The following DDR2 variants were observed in gnomAD, a reference collection of about 807,000 sequenced individuals.
The protein encoded by DDR2 is discoidin domain-containing receptor 2.
In DDR2, 27 loss-of-function variants were observed where a neutral mutation model predicts 94.9. That is an observed-to-expected ratio of 0.28 (90% confidence interval 0.21 to 0.39). The LOEUF is 0.39. DDR2 is among the 10% of genes least tolerant of loss of function. DDR2 has a pLI of 1.00. For synonymous variants in DDR2, 382 were observed against 377.2 expected (o/e 1.01, Z -0.15); for missense variants, 783 against 1,076.0 (o/e 0.73, Z 3.81).
intron 8 of DDR2, among the ~76,000 whole-genome samples, chr1:162,760,468 ATATATACATATACAACTATATATG>A (rs1200069042): frequency 6.2e-5 from 9 of 145,008 alleles, no homozygotes; most frequent in African/African-American, 2.3e-4. Flanking sequence ...ATACAACTAT[ATATATACATATACAACTATATATG>A]TATATACATA....
chr1:162,787,091 C>G lies in DDR2; in HGVS notation c.*6845C>G, dbSNP rs1648180140. ...CCTGGTCTCTGAGAATAAGTTTATA[C>G]TTTTAGTTTTCTGAGAATATTTCTC... On this transcript the variant is annotated 3_prime_UTR_variant, in exon 18 of 18. Transcript: ENST00000367921. 6.6e-6 allele frequency: 1 copy of G among 152,106 alleles called. No individual in the cohort carries two copies. The highest frequency in any genetic ancestry group is 2.4e-5 in the African/African-American group (1 of 41,414). 9.4% of individuals were successfully genotyped at this position (152,106 alleles called of 1,614,324 possible).
intron 2 of DDR2, among the ~76,000 whole-genome samples, chr1:162,664,652 A>C (rs1658458534): frequency 6.6e-6 from 1 of 152,232 alleles, no homozygotes; most frequent in South Asian, 2.1e-4. Context: ...GAAAACTCTA[A>C]TGAAAATATG....
At chr1:162,644,441 A>G (rs1657306930) in intron 1 of DDR2, among the ~76,000 whole-genome samples, 1 of 152,182 alleles carries the variant, frequency 6.6e-6, no homozygotes, top group South Asian at 2.1e-4. Context: ...ATGATGATGA[A>G]GTTATTATAG....
chr1:162,678,498 G>A (rs1659242823), intron 2 of DDR2, among the ~76,000 whole-genome samples: 1 of 152,210 alleles, frequency 6.6e-6, no homozygotes, highest in Non-Finnish European at 1.5e-5. Context: ...CTTGCAGAAA[G>A]TTAGAGCAGG....
intron 3 of DDR2, among the ~76,000 whole-genome samples, chr1:162,740,288 C>G (rs1436763153): frequency 1.3e-5 from 2 of 152,120 alleles, no homozygotes; most frequent in African/African-American, 4.8e-5. Flanking sequence ...TTGTAATTGG[C>G]CCTATCCTCC....
At chr1:162,742,691 C>T (rs1283868261) in intron 3 of DDR2, among the ~76,000 whole-genome samples, 4 of 150,740 alleles carry the variant, frequency 2.7e-5, no homozygotes, top group East Asian at 4.0e-4. Flanking sequence ...CAAACTATAT[C>T]TGATGGTGTA....
At chr1:162,737,674 A>G (rs1381025740) in intron 3 of DDR2, among the ~76,000 whole-genome samples, 1 of 115,060 alleles carries the variant, frequency 8.7e-6, no homozygotes, top group African/African-American at 3.4e-5. Context: ...GTATATACCC[A>G]GTAATGGGAT....
chr1:162,684,822 C>CACACACAT (rs1345912603), intron 2 of DDR2, among the ~76,000 whole-genome samples: 1 of 128,292 alleles, frequency 7.8e-6, no homozygotes, highest in Non-Finnish European at 1.6e-5. Context: ...AACACACACA[C>CACACACAT]ACACACACAC....
intron 2 of DDR2, among the ~76,000 whole-genome samples, chr1:162,675,847 A>C (rs2101946869): frequency 6.6e-6 from 1 of 152,276 alleles, no homozygotes; most frequent in East Asian, 1.9e-4. Flanking sequence ...CACAGACAGG[A>C]AGGGTAACTG....
In DDR2 at chr1:162,711,509, T is replaced by C. The variant is rs115529365; in HGVS notation, c.-27-7528T>C. On this transcript the variant is annotated intron_variant, in intron 2 of 17. Transcript: ENST00000367921. The stretch of plus-strand genomic sequence containing the variant: ...TTCTGCTTCAGAGAAAAAGTTGTTT[T>C]TTGCAATGATCAGACTTGGAGAAAA... Among the ~76,000 whole-genome samples the C allele has an allele frequency of 2.2e-3, 339 of 152,340 alleles. 1 individual carries two copies. Among genetic ancestry groups the C allele is most frequent in the African/African-American group, 6.0e-3 (248 of 41,584 alleles).
At chr1:162,671,879 A>G (rs370023306) in intron 2 of DDR2, among the ~76,000 whole-genome samples, 105 of 152,072 alleles carry the variant, frequency 6.9e-4, no homozygotes, top group African/African-American at 2.4e-3. Context: ...TACCTTCCCT[A>G]TCATACCTAC....
chr1:162,704,703 C>T (rs1318467184), intron 2 of DDR2, among the ~76,000 whole-genome samples: 1 of 152,148 alleles, frequency 6.6e-6, no homozygotes, highest in Non-Finnish European at 1.5e-5. Context: ...GTGCCACCCT[C>T]ATGACCTAAT....
chr1:162,658,512 A>AGAGAG (rs1157858475), intron 2 of DDR2, among the ~76,000 whole-genome samples: 7 of 152,006 alleles, frequency 4.6e-5, no homozygotes, highest in African/African-American at 1.7e-4. Flanking sequence ...CCAGAGAGAG[A>AGAGAG]GAGAGCCTAG....
intron 3 of DDR2, among the ~76,000 whole-genome samples, chr1:162,719,650 G>T (rs1338708865): frequency 1.3e-5 from 2 of 152,112 alleles, no homozygotes; most frequent in African/African-American, 4.8e-5. Flanking sequence ...AATCTTTTGA[G>T]CCCAAATTTG....
At chr1:162,710,995 A>G (rs1660883476) in intron 2 of DDR2, among the ~76,000 whole-genome samples, 1 of 152,178 alleles carries the variant, frequency 6.6e-6, no homozygotes, top group Admixed American at 6.5e-5. Flanking sequence ...CTCAGTGTCA[A>G]GATCCCTGGG....
chr1:162,744,945 C>G (rs544054686), intron 3 of DDR2, among the ~76,000 whole-genome samples: 9 of 152,190 alleles, frequency 5.9e-5, no homozygotes, highest in African/African-American at 2.2e-4. Flanking sequence ...CATCATTTTA[C>G]ATTCCCACTA....
chr1:162,681,370 G>A (rs1245578310), intron 2 of DDR2, among the ~76,000 whole-genome samples: 4 of 152,072 alleles, frequency 2.6e-5, no homozygotes, highest in Admixed American at 1.3e-4. Flanking sequence ...TCTCCTCTCT[G>A]GTGACAGTGG....
At chr1:162,728,217 T>G (rs903801533) in intron 3 of DDR2, among the ~76,000 whole-genome samples, 3 of 147,084 alleles carry the variant, frequency 2.0e-5, no homozygotes, top group East Asian at 2.0e-4. Context: ...TTTATATATA[T>G]ATAGATAGAT....
chr1:162,741,258 GTAATGTAATA>G (rs1268912174), intron 3 of DDR2, among the ~76,000 whole-genome samples: 80 of 106,984 alleles, frequency 7.5e-4, no homozygotes, highest in African/African-American at 3.0e-3. Flanking sequence ...ATAATGTAAT[GTAATGTAATA>G]TAATATAATA....
Sources: gnomAD v4.1 joint callset for allele counts (sites outside exome capture counted in the v4.1 genomes callset) on GRCh38, gnomAD v4.1.1 for gene constraint, MANE v1.5 for transcripts, NCBI Gene and HGNC (gene_info 2026-07-23, HGNC 2026-07-21) for gene names.